The following NEB variants were observed in gnomAD, a reference collection of about 807,000 sequenced individuals.
The protein encoded by NEB is nemaline myopathy type 2.
A neutral mutation model predicts 952.2 loss-of-function variants in NEB; 512 were observed. The observed-to-expected ratio is 0.54, with a 90% CI of 0.50 to 0.58. The LOEUF is 0.58. Among genes scored for constraint, NEB ranks in the 20% least tolerant of loss-of-function variants. The pLI is 0.00. For synonymous variants in NEB, 2,900 were observed against 3,149.8 expected, an observed-to-expected ratio of 0.92 and a Z score of 2.66; for missense variants, 8,428 against 9,231.1, an observed-to-expected ratio of 0.91 and a Z score of 3.56.
chr2:151,731,625 C>T (rs1228435039), intron 3 of NEB, among the ~76,000 whole-genome samples: 1 of 152,092 alleles, frequency 6.6e-6, no homozygotes, highest in East Asian at 1.9e-4. Flanking sequence ...GTAATGGGAA[C>T]AAAATGGTAG....
At chr2:151,513,783 G>A (rs2076095824) in intron 159 of NEB, 90 bp from the exon 160 acceptor site, 15 of 872,408 alleles carry the variant, frequency 1.7e-5, no homozygotes, top group African/African-American at 3.4e-5. Flanking sequence ...CACATAACAC[G>A]CCACCCCAGT....
At chr2:151,699,911 T>C (rs2099633041) in intron 13 of NEB, among the ~76,000 whole-genome samples, 1 of 151,346 alleles carries the variant, frequency 6.6e-6, no homozygotes, top group Non-Finnish European at 1.5e-5. Context: ...CCATTGCTTT[T>C]GGTGTTTTAG....
chr2:151,629,147 G>C (rs1403154778), intron 68 of NEB, among the ~76,000 whole-genome samples: 1 of 152,078 alleles, frequency 6.6e-6, no homozygotes, highest in Non-Finnish European at 1.5e-5. Context: ...GGTTCTATCA[G>C]CTCTTCTTCT....
At chr2:151,489,936 GAAT>G in intron 181 of NEB, 32 bp downstream of exon 181, 1 of 1,479,234 alleles carries the variant, frequency 6.8e-7, no homozygotes, top group African/African-American at 1.4e-5. Flanking sequence ...CAAAAATTAA[GAAT>G]AATTTATTTA....
chr2:151,704,178 CA>C (rs2099691110), intron 13 of NEB, among the ~76,000 whole-genome samples: 26 of 57,280 alleles, frequency 4.5e-4, no homozygotes, highest in Admixed American at 2.0e-3. Flanking sequence ...GCTCGGGGGT[CA>C]GGGGTCAGGG....
At chr2:151,592,198 A>C (rs1375138926) in intron 94 of NEB, 60 bp from the exon 95 acceptor site, 1 of 1,545,020 alleles carries the variant, frequency 6.5e-7, no homozygotes, top group Non-Finnish European at 8.8e-7. Context: ...TACCACATAA[A>C]TAAAATTATA....
rs1220058715 is a variant in NEB, at chr2:151,669,095, T to G, written c.4543A>C (p.Lys1515Gln). Residue 1515 changes from lysine to glutamine, a missense_variant, in exon 39 of 182, where the codon AAG becomes CAG. This residue lies in a region of NEB where 2,851 missense variants were observed against 2,791.5 expected (regional missense o/e 1.02). Coordinates refer to ENST00000397345, the MANE Select transcript of NEB (RefSeq NM_001164508.2). ...GGCAATTCAGGGTCAATAGTATACT[T>G]GTGCTTCAGTTTCTCTCCCTCTACC... ...YKVEGEKLKHKYTIDPELPQF... is the reference protein window; with the variant it reads ...YKVEGEKLKHQYTIDPELPQF... The G allele has an allele frequency of 5.0e-6, 8 of 1,590,808 alleles. No individual in the cohort carries two copies. The highest frequency in any genetic ancestry group is 6.9e-6 in the Non-Finnish European group (8 of 1,167,134).
chr2:151,640,806 AAAAT>A (rs2098837271), intron 60 of NEB, 140 bp from the exon 61 acceptor site: 2 of 731,396 alleles, frequency 2.7e-6, no homozygotes, highest in Non-Finnish European at 4.3e-6. Flanking sequence ...AACAATTTAG[AAAAT>A]AAATATAGCA....
chr2:151,694,027 A>T (rs1372195771), intron 20 of NEB, among the ~76,000 whole-genome samples: 1 of 152,242 alleles, frequency 6.6e-6, no homozygotes, highest in Non-Finnish European at 1.5e-5. Flanking sequence ...ACTTATGTAT[A>T]TTAAGCTCGT....
intron 46 of NEB, among the ~76,000 whole-genome samples, chr2:151,660,848 G>A (rs2099138593): frequency 6.6e-6 from 1 of 152,218 alleles, no homozygotes; most frequent in Non-Finnish European, 1.5e-5. Context: ...TGATGGAAAT[G>A]TTCTGCATAA....
chr2:151,642,343 C>T (rs1466778477), intron 60 of NEB, among the ~76,000 whole-genome samples: 1 of 152,194 alleles, frequency 6.6e-6, no homozygotes, highest in Non-Finnish European at 1.5e-5. Context: ...TACTTTTGTT[C>T]AGCAGGAAAC....
At chr2:151,577,521 CT>C (rs1332794211) in intron 105 of NEB, among the ~76,000 whole-genome samples, 1 of 152,168 alleles carries the variant, frequency 6.6e-6, no homozygotes, top group Non-Finnish European at 1.5e-5. Flanking sequence ...CATTTTTATT[CT>C]TTAATGAACA....
At chr2:151,510,455 C>A (rs1043369840) in intron 161 of NEB, among the ~76,000 whole-genome samples, 3 of 152,182 alleles carry the variant, frequency 2.0e-5, no homozygotes, top group Admixed American at 6.5e-5. Context: ...TGAGACCTGG[C>A]CTGCCATACT....
intron 116 of NEB, 45 bp downstream of exon 116, chr2:151,565,456 T>C (rs1025236464): frequency 2.3e-6 from 3 of 1,282,512 alleles, no homozygotes; most frequent in Non-Finnish European, 2.2e-6. Flanking sequence ...GATAGACAAT[T>C]TACTCCCCAG....
chr2:151,568,367 T>G lies in NEB; in HGVS notation c.17685A>C (p.Thr5895=), dbSNP rs372024982. 5 of 1,613,448 alleles carry G rather than the reference T, an allele frequency of 3.1e-6. No homozygotes were observed. Among genetic ancestry groups the G allele is most frequent in the Non-Finnish European group, 4.2e-6 (5 of 1,179,816 alleles). Residue 5895 remains threonine, a synonymous_variant, in exon 112 of 182, where the codon ACA becomes ACC. Coordinates refer to ENST00000397345, the MANE Select transcript of NEB (RefSeq NM_001164508.2). ...GGGCAGTGTGCAGCAGGGGGGTTTC[T>G]GTGAGGGTGTACTTTGATTTGGTGG... ...WNATKSKYTL[T]ETPLLHTAQE... is the part of the protein sequence containing the mutation.
chr2:151,559,070 C>A (rs927868899), intron 124 of NEB, among the ~76,000 whole-genome samples: 1 of 151,626 alleles, frequency 6.6e-6, no homozygotes, highest in Admixed American at 6.6e-5. Context: ...CCAGAATCTA[C>A]AAAGAACTTA....
chr2:151,514,761 T>C (rs772997010), intron 158 of NEB, 57 bp downstream of exon 158: 25 of 1,194,332 alleles, frequency 2.1e-5, no homozygotes, highest in Non-Finnish European at 3.0e-5. Flanking sequence ...CATTAATGAG[T>C]GTCACTAGTG....
At chr2:151,719,704 C>T (rs184468157) in intron 9 of NEB, among the ~76,000 whole-genome samples, 1 of 152,176 alleles carries the variant, frequency 6.6e-6, no homozygotes, top group East Asian at 1.9e-4. Context: ...TACGGTGAAA[C>T]CCTGTCTCTA....
At position 151,697,634 on chromosome 2, in the gene NEB, T is replaced by C. The variant is rs754762324; in HGVS notation, c.1167A>G (p.Glu389=). 6.2e-7 allele frequency: 1 copy of C among 1,608,226 alleles called. No homozygotes were observed. Among genetic ancestry groups the C allele is most frequent in the South Asian group, 1.1e-5 (1 of 89,546 alleles). ...TCTTTGCTTTTGTCTTTTCATAGTT[T>C]TCCTTGTATAGTTTCTGTCAAAGAA... ...GDALSDKLYK[E]NYEKTKAKSI... The change falls in exon 14 of 182, where the codon GAA becomes GAG. Residue 389 remains glutamate (E), a synonymous_variant. Coordinates refer to ENST00000397345, the MANE Select transcript of NEB (RefSeq NM_001164508.2).
Sources: allele counts gnomAD v4.1 joint callset (sites outside exome capture counted in the v4.1 genomes callset), GRCh38; gene constraint gnomAD v4.1.1; regional missense constraint gnomAD v4.1.1; transcripts MANE v1.5; gene names NCBI Gene and HGNC (gene_info 2026-07-23, HGNC 2026-07-21).